The following HS3ST3A1 variants were observed in gnomAD, a reference collection of about 807,000 sequenced individuals.
The protein encoded by HS3ST3A1 is heparan sulfate glucosamine 3-O-sulfotransferase 3A1.
In HS3ST3A1, 19 loss-of-function variants were observed where a neutral mutation model predicts 25.7. The ratio of observed to expected loss-of-function variants is 0.74; its 90% CI spans 0.52 to 1.08. HS3ST3A1 has a LOEUF of 1.08. Among genes scored for constraint, HS3ST3A1 ranks in the 50% least tolerant of loss-of-function variants. The pLI, the probability that HS3ST3A1 is intolerant of heterozygous loss-of-function variation, is 0.00. For synonymous variants in HS3ST3A1, 226 were observed against 278.6 expected (o/e 0.81, Z 1.88); for missense variants, 459 against 594.3 (o/e 0.77, Z 2.37).
At chr17:13,591,862 G>A (rs1598435565) in intron 1 of HS3ST3A1, among the ~76,000 whole-genome samples, 1 of 151,990 alleles carries the variant, frequency 6.6e-6, no homozygotes, top group Non-Finnish European at 1.5e-5. Flanking sequence ...ATTTCACCAT[G>A]TTGGCCAGGC....
intron 1 of HS3ST3A1, among the ~76,000 whole-genome samples, chr17:13,513,144 G>A (rs1282553281): frequency 6.6e-6 from 1 of 152,198 alleles, no homozygotes; most frequent in Admixed American, 6.5e-5. Flanking sequence ...CATGGTGAAG[G>A]AAAACAAGGC....
At chr17:13,528,377 C>T (rs2142328456) in intron 1 of HS3ST3A1, among the ~76,000 whole-genome samples, 1 of 152,344 alleles carries the variant, frequency 6.6e-6, no homozygotes, top group African/African-American at 2.4e-5. Flanking sequence ...CAGGTTTCAG[C>T]TGTTAGAGCC....
chr17:13,548,434 C>T (rs1227585920), intron 1 of HS3ST3A1, among the ~76,000 whole-genome samples: 3 of 152,292 alleles, frequency 2.0e-5, no homozygotes, highest in Admixed American at 2.0e-4. Context: ...ACCAATACCA[C>T]CCCATGGAAG....
intron 1 of HS3ST3A1, among the ~76,000 whole-genome samples, chr17:13,551,938 T>C (rs1020569524): frequency 5.9e-5 from 9 of 152,236 alleles, no homozygotes. Context: ...CTGCATGCTT[T>C]GTAAAAATAG....
chr17:13,549,549 G>A (rs925799241), intron 1 of HS3ST3A1, among the ~76,000 whole-genome samples: 1 of 152,088 alleles, frequency 6.6e-6, no homozygotes, highest in Non-Finnish European at 1.5e-5. Context: ...ACCGCTGTTC[G>A]ACAATCCTCT....
intron 1 of HS3ST3A1, among the ~76,000 whole-genome samples, chr17:13,500,869 A>G (rs1953229047): frequency 6.6e-6 from 1 of 152,224 alleles, no homozygotes; most frequent in Non-Finnish European, 1.5e-5. Context: ...AGTGGAAGCA[A>G]CACAAGTGTG....
At position 13,495,865 on chromosome 17, in the gene HS3ST3A1, T is replaced by TA. The variant is rs751912931; in HGVS notation, c.*331dup. 37 of 199,394 alleles carry TA rather than the reference T, an allele frequency of 1.9e-4. 1 individual carries two copies. The highest frequency in any genetic ancestry group is 1.1e-3 in the Admixed American group (19 of 18,060). 12.4% of individuals were successfully genotyped at this position (199,394 alleles called of 1,614,324 possible). Reference sequence around the variant, plus strand: ...TCAATTTTATCAGGGCCTTGTATTTTAAAAAAAGAGAGAGAGATGTTTAAC... The same window carrying TA: ...TCAATTTTATCAGGGCCTTGTATTTTAAAAAAAAGAGAGAGAGATGTTTAAC... On this transcript the variant is annotated 3_prime_UTR_variant, in exon 2 of 2. Transcript: ENST00000284110.
intron 1 of HS3ST3A1, among the ~76,000 whole-genome samples, chr17:13,550,804 C>A (rs773868227): frequency 6.6e-6 from 1 of 152,148 alleles, no homozygotes; most frequent in Non-Finnish European, 1.5e-5. Context: ...CGCAGTGGCT[C>A]ACGCCTGTAA....
At chr17:13,584,423 CAA>C (rs755207452) in intron 1 of HS3ST3A1, among the ~76,000 whole-genome samples, 5 of 100,088 alleles carry the variant, frequency 5.0e-5, no homozygotes, top group African/African-American at 1.1e-4. Flanking sequence ...CTGCAATTTC[CAA>C]AAAAAAAAAA....
chr17:13,573,109 G>T (rs1488238516), intron 1 of HS3ST3A1, among the ~76,000 whole-genome samples: 1 of 152,118 alleles, frequency 6.6e-6, no homozygotes, highest in Non-Finnish European at 1.5e-5. Context: ...AAATCCATCA[G>T]ATTTTCAGTA....
chr17:13,537,938 C>A (rs1262272769), intron 1 of HS3ST3A1, among the ~76,000 whole-genome samples: 2 of 152,186 alleles, frequency 1.3e-5, no homozygotes, highest in Non-Finnish European at 2.9e-5. Context: ...AAAAACTCAG[C>A]TTTGGTGTTT....
intron 1 of HS3ST3A1, among the ~76,000 whole-genome samples, chr17:13,576,089 CTT>C (rs1483811399): frequency 6.6e-6 from 1 of 152,226 alleles, no homozygotes; most frequent in Non-Finnish European, 1.5e-5. Flanking sequence ...TCTGATGCAA[CTT>C]AGGTTAAGCA....
intron 1 of HS3ST3A1, among the ~76,000 whole-genome samples, chr17:13,573,943 A>G (rs1463602941): frequency 6.6e-6 from 1 of 152,078 alleles, no homozygotes; most frequent in Non-Finnish European, 1.5e-5. Context: ...CTTACTGGAC[A>G]CCAGCTCTTC....
At chr17:13,499,491 T>C (rs1905390006) in intron 1 of HS3ST3A1, among the ~76,000 whole-genome samples, 1 of 152,170 alleles carries the variant, frequency 6.6e-6, no homozygotes, top group Admixed American at 6.5e-5. Flanking sequence ...TCTTTTTTTC[T>C]ATATATCTTT....
intron 1 of HS3ST3A1, among the ~76,000 whole-genome samples, chr17:13,585,217 T>TTTTTTG (rs1598433443): frequency 8.6e-6 from 1 of 115,916 alleles, no homozygotes; most frequent in Non-Finnish European, 1.7e-5. Context: ...TTTTTTTTTT[T>TTTTTTG]GAGACAGAGT....
chr17:13,503,173 C>CAAAAA (rs144678351), intron 1 of HS3ST3A1, among the ~76,000 whole-genome samples: 1 of 86,854 alleles, frequency 1.2e-5, no homozygotes, highest in Non-Finnish European at 2.3e-5. Flanking sequence ...GACTCCATCT[C>CAAAAA]AAAAAAAAAA....
chr17:13,552,713 T>C (rs1199377596), intron 1 of HS3ST3A1, among the ~76,000 whole-genome samples: 1 of 152,182 alleles, frequency 6.6e-6, no homozygotes, highest in Non-Finnish European at 1.5e-5. Context: ...GCTGGAGAAC[T>C]TTTTCAAATG....
chr17:13,509,762 A>G lies in HS3ST3A1; in HGVS notation c.600-12944T>C, dbSNP rs1905802618. ...TGGAAAGAACCTTAGAAATCCCCTAATCCAGCTGCTTCATTTCACAGATGT... is the reference window on the plus strand; with the variant it reads ...TGGAAAGAACCTTAGAAATCCCCTAGTCCAGCTGCTTCATTTCACAGATGT... On this transcript the variant is annotated intron_variant, in intron 1 of 1. Transcript: ENST00000284110. 2.0e-5 allele frequency among the ~76,000 whole-genome samples: 3 copies of G among 152,316 alleles called. No individual in the cohort carries two copies. The South Asian group carries it at 6.2e-4, about 32-fold the overall frequency.
intron 1 of HS3ST3A1, among the ~76,000 whole-genome samples, chr17:13,515,895 G>A (rs529516823): frequency 2.6e-4 from 40 of 152,212 alleles, no homozygotes; most frequent in Non-Finnish European, 4.4e-4. Flanking sequence ...TCCTATTGAT[G>A]AATGATGTTG....
Sources: allele counts gnomAD v4.1 joint callset (sites outside exome capture counted in the v4.1 genomes callset), GRCh38; gene constraint gnomAD v4.1.1; transcripts MANE v1.5; gene names NCBI Gene and HGNC (gene_info 2026-07-23, HGNC 2026-07-21).